Variants in APBB2 observed in about 807,000 individuals in gnomAD.
The protein encoded by APBB2 is amyloid beta precursor protein binding family B member 2, also known as Fe65-like 1.
Under a neutral mutation model 82.5 loss-of-function variants are expected in APBB2, and 38 were observed. The observed-to-expected ratio is 0.46, with a 90% CI of 0.36 to 0.60. The LOEUF is 0.60. APBB2 is among the 20% of genes least tolerant of loss of function. The pLI is 0.00. For missense variants in APBB2, 772 were observed against 972.3 expected (o/e 0.79, Z 2.74); for synonymous variants, 341 against 368.2 (o/e 0.93, Z 0.85).
intron 5 of APBB2, among the ~76,000 whole-genome samples, chr4:41,025,628 G>C (rs1713712342): frequency 6.6e-6 from 1 of 152,048 alleles, no homozygotes; most frequent in African/African-American, 2.4e-5. Context: ...ACTGGATAAA[G>C]AAAATGTGGG....
At chr4:40,932,007 A>C (rs1784334294) in intron 10 of APBB2, among the ~76,000 whole-genome samples, 1 of 152,362 alleles carries the variant, frequency 6.6e-6, no homozygotes, top group African/African-American at 2.4e-5. Context: ...TGGCAATAAA[A>C]AGGTGGCAGA....
chr4:40,928,190 G>A (rs114352145), intron 10 of APBB2, among the ~76,000 whole-genome samples: 2,578 of 152,240 alleles, frequency 0.017, 65 homozygotes, highest in African/African-American at 0.058. Flanking sequence ...GAAAAGTGGC[G>A]TAAAATAGAA....
chr4:41,191,077 A>G (rs1015885312), intron 1 of APBB2, among the ~76,000 whole-genome samples: 2 of 152,172 alleles, frequency 1.3e-5, no homozygotes, highest in African/African-American at 4.8e-5. Flanking sequence ...GTCACACCCA[A>G]GAGGTCAAAA....
rs532847805 is a variant in APBB2, at chr4:40,817,568, C to T, written c.2113-1309G>A. 7.2e-5 allele frequency among the ~76,000 whole-genome samples: 11 copies of T among 152,064 alleles called. No individual in the cohort carries two copies. In the South Asian group the frequency reaches 1.3e-3, roughly 17 times the overall value. On this transcript the variant is annotated intron_variant, in intron 17 of 17. Transcript: ENST00000508593. ...ACTCAGAGGGCAGACTTCTCCTATG[C>T]GTGGGTTCTGCAGGACCTGAATATG...
chr4:40,870,732 C>G (rs947292416), intron 12 of APBB2, among the ~76,000 whole-genome samples: 67 of 144,254 alleles, frequency 4.6e-4, no homozygotes, highest in African/African-American at 1.6e-3. Context: ...TGTATACACA[C>G]TCTTTTTTTT....
At chr4:40,975,413 G>C (rs888373261) in intron 6 of APBB2, among the ~76,000 whole-genome samples, 2 of 152,026 alleles carry the variant, frequency 1.3e-5, no homozygotes, top group Non-Finnish European at 2.9e-5. Context: ...GCACCACAGT[G>C]CTTTTCTATG....
At position 40,820,784 on chromosome 4, in the gene APBB2, G is replaced by A. The variant is rs527528189; in HGVS notation, c.2112+1087C>T. On this transcript the variant is annotated intron_variant, in intron 17 of 17. Coordinates refer to ENST00000508593, the MANE Select transcript of APBB2 (RefSeq NM_004307.2). ...TCATAAGCCCGCCATGATCTGGACC[G>A]CACCTCCTTCCACTCGGGCCCAGCA... is the stretch of plus-strand genomic sequence containing the variant. 1.2e-4 allele frequency among the ~76,000 whole-genome samples: 18 copies of A among 152,246 alleles called. No individual in the cohort carries two copies. The East Asian group carries it at 3.1e-3, about 26-fold the overall frequency.
At chr4:41,010,482 T>G (rs1455581407) in intron 6 of APBB2, among the ~76,000 whole-genome samples, 1 of 151,866 alleles carries the variant, frequency 6.6e-6, no homozygotes, top group Non-Finnish European at 1.5e-5. Context: ...AGCAAATGAG[T>G]GGTAAGTGTC....
intron 15 of APBB2, among the ~76,000 whole-genome samples, chr4:40,824,336 G>A (rs1749117258): frequency 6.6e-6 from 1 of 152,100 alleles, no homozygotes; most frequent in Non-Finnish European, 1.5e-5. Context: ...TCCCCCCATT[G>A]AGTAGGGCCC....
chr4:40,846,018 GT>G (rs1553935737), intron 12 of APBB2, among the ~76,000 whole-genome samples: 14 of 3,214 alleles, frequency 4.4e-3, no homozygotes, highest in East Asian at 0.071. Context: ...TGAGTGGGGT[GT>G]GTGTGTGTGT....
chr4:40,930,451 GCGC>G (rs1783877904), intron 10 of APBB2, among the ~76,000 whole-genome samples: 2 of 27,446 alleles, frequency 7.3e-5, no homozygotes, highest in Non-Finnish European at 1.6e-4. Flanking sequence ...GTGTGTGTGC[GCGC>G]GCGCGCGCGC....
intron 7 of APBB2, among the ~76,000 whole-genome samples, chr4:40,938,798 T>C (rs1786049740): frequency 6.6e-6 from 1 of 152,214 alleles, no homozygotes. Context: ...CTGTGTGCAC[T>C]TGAGAAGTTC....
chr4:41,098,436 G>GC (rs1744295245), intron 3 of APBB2, among the ~76,000 whole-genome samples: 1 of 152,022 alleles, frequency 6.6e-6, no homozygotes, highest in African/African-American at 2.4e-5. Flanking sequence ...TCCCACCTCT[G>GC]CCCCCCAAAA....
intron 11 of APBB2, among the ~76,000 whole-genome samples, chr4:40,892,075 C>T (rs1055346575): frequency 2.6e-5 from 4 of 151,770 alleles, no homozygotes; most frequent in Non-Finnish European, 5.9e-5. Context: ...CTCAGCCTCT[C>T]GAGTAGCTGG....
intron 6 of APBB2, among the ~76,000 whole-genome samples, chr4:41,006,634 T>C (rs894117692): frequency 3.3e-5 from 5 of 152,058 alleles, no homozygotes; most frequent in Admixed American, 6.6e-5. Context: ...CTGCTAATTG[T>C]TTTGTATTTT....
intron 3 of APBB2, among the ~76,000 whole-genome samples, chr4:41,070,389 A>C (rs1733395451): frequency 6.7e-6 from 1 of 149,984 alleles, no homozygotes. Flanking sequence ...GGCTCACTCC[A>C]GTCTCCGCCT....
At chr4:41,010,169 C>T (rs1658457729) in intron 6 of APBB2, among the ~76,000 whole-genome samples, 1 of 152,102 alleles carries the variant, frequency 6.6e-6, no homozygotes, top group East Asian at 1.9e-4. Flanking sequence ...GAAGCAGGTG[C>T]AGAGATCCCA....
intron 6 of APBB2, among the ~76,000 whole-genome samples, chr4:40,952,750 T>C (rs1578703628): frequency 6.6e-6 from 1 of 152,224 alleles, no homozygotes; most frequent in African/African-American, 2.4e-5. Context: ...ATCCAGGTCC[T>C]TCAGGTCTTG....
At chr4:41,138,576 G>A (rs986951779) in intron 2 of APBB2, among the ~76,000 whole-genome samples, 1 of 152,118 alleles carries the variant, frequency 6.6e-6, no homozygotes, top group African/African-American at 2.4e-5. Context: ...GAAGATATAG[G>A]AGTGACTAAG....
Sources: allele counts gnomAD v4.1 joint callset (sites outside exome capture counted in the v4.1 genomes callset), GRCh38; gene constraint gnomAD v4.1.1; transcripts MANE v1.5; gene names NCBI Gene and HGNC (gene_info 2026-07-23, HGNC 2026-07-21).